The following PXYLP1 variants were observed in gnomAD, a reference collection of about 807,000 sequenced individuals.
The protein encoded by PXYLP1 is 2-phosphoxylose phosphatase 1.
In PXYLP1, 17 loss-of-function variants were observed where a neutral mutation model predicts 37.9. The observed-to-expected ratio is 0.45, with a 90% CI of 0.31 to 0.67. The LOEUF (loss-of-function observed/expected upper bound fraction) is 0.67, where lower values mean the gene tolerates loss of function less well. Among genes scored for constraint, PXYLP1 ranks in the 30% least tolerant of loss-of-function variants. The probability of loss-of-function intolerance (pLI) is 0.07; values close to 1 mark genes in which losing one functional copy is unlikely to be tolerated. For synonymous variants in PXYLP1, 221 were observed against 232.2 expected (o/e 0.95, Z 0.44); for missense variants, 511 against 612.0 (o/e 0.84, Z 1.74).
chr3:141,245,304 T>C (rs571369278), intron 1 of PXYLP1, among the ~76,000 whole-genome samples: 2 of 152,236 alleles, frequency 1.3e-5, no homozygotes, highest in South Asian at 4.1e-4. Flanking sequence ...TGACCTCAGG[T>C]AATCCACACG....
chr3:141,284,353 C>A (rs1323945752), intron 4 of PXYLP1, among the ~76,000 whole-genome samples: 1 of 150,120 alleles, frequency 6.7e-6, no homozygotes, highest in Non-Finnish European at 1.5e-5. Flanking sequence ...CGGGCATACA[C>A]ATGATCAGAA....
intron 1 of PXYLP1, among the ~76,000 whole-genome samples, chr3:141,253,933 A>G (rs905464425): frequency 6.6e-6 from 1 of 150,412 alleles, no homozygotes; most frequent in Admixed American, 6.6e-5. Flanking sequence ...ATTTTTTGAG[A>G]TGAAGTTTCT....
chr3:141,234,674 T>G (rs1940616842), intron 1 of PXYLP1, among the ~76,000 whole-genome samples: 1 of 152,196 alleles, frequency 6.6e-6, no homozygotes, highest in African/African-American at 2.4e-5. Context: ...CACTGGCAGA[T>G]GGGGCAAGGT....
At chr3:141,249,277 C>G (rs752964303) in intron 1 of PXYLP1, among the ~76,000 whole-genome samples, 2 of 152,128 alleles carry the variant, frequency 1.3e-5, no homozygotes, top group Non-Finnish European at 1.5e-5. Flanking sequence ...AAGTGTGATC[C>G]CAGCCTAAAA....
intron 1 of PXYLP1, among the ~76,000 whole-genome samples, chr3:141,238,242 G>A (rs1940706211): frequency 6.6e-6 from 1 of 152,218 alleles, no homozygotes; most frequent in African/African-American, 2.4e-5. Context: ...TATGTTGACG[G>A]GCATGGGTTT....
rs550785931 is a variant in PXYLP1 at position 141,276,437 on chromosome 3, A to G, written c.80-1905A>G. Among the ~76,000 whole-genome samples, 6 of 152,304 alleles carry G rather than the reference A, an allele frequency of 3.9e-5. No individual in the cohort carries two copies. In the East Asian group the frequency reaches 1.2e-3, roughly 29 times the overall value. ...TTTTTCTTTACACAAAGAGGATTAT[A>G]TCAGTATACAGTGACTTGGTGTATT... On this transcript the variant is annotated intron_variant, in intron 2 of 5. Transcript: ENST00000286353.
At chr3:141,233,962 C>G (rs1940596232) in intron 1 of PXYLP1, among the ~76,000 whole-genome samples, 1 of 152,162 alleles carries the variant, frequency 6.6e-6, no homozygotes, top group African/African-American at 2.4e-5. Context: ...GCAGGAGCAT[C>G]TTCAGGGATG....
intron 2 of PXYLP1, chr3:141,262,816 C>A: frequency 1.1e-6 from 1 of 920,580 alleles, no homozygotes; most frequent in South Asian, 1.5e-5. Context: ...TATTATTATA[C>A]TGTAAGAAAC....
intron 2 of PXYLP1, chr3:141,274,391 C>G (rs1298102590): frequency 6.9e-7 from 1 of 1,443,838 alleles, no homozygotes; most frequent in African/African-American, 1.4e-5. Flanking sequence ...GCTTGCTGAC[C>G]CCCATCTGCC....
intron 2 of PXYLP1, among the ~76,000 whole-genome samples, chr3:141,266,819 C>G (rs958452178): frequency 2.6e-5 from 4 of 152,054 alleles, no homozygotes; most frequent in African/African-American, 7.3e-5. Context: ...CCCTATATCC[C>G]CTCCCTTTTT....
chr3:141,283,553 C>T (rs1195308705), intron 4 of PXYLP1, among the ~76,000 whole-genome samples: 1 of 152,080 alleles, frequency 6.6e-6, no homozygotes, highest in Admixed American at 6.5e-5. Context: ...CAGGGCAATG[C>T]ATTACATCAA....
intron 1 of PXYLP1, among the ~76,000 whole-genome samples, chr3:141,248,047 G>T (rs1404491836): frequency 1.0e-4 from 12 of 119,880 alleles, no homozygotes; most frequent in African/African-American, 3.7e-4. Flanking sequence ...TTTTGAGATG[G>T]AGTCCCACTC....
intron 4 of PXYLP1, among the ~76,000 whole-genome samples, chr3:141,285,144 CTTTT>C (rs147495598): frequency 1.3e-5 from 1 of 78,762 alleles, no homozygotes; most frequent in African/African-American, 4.4e-5. Flanking sequence ...TTTTCTTTTT[CTTTT>C]TTTTTTTTTT....
At chr3:141,262,800 G>T (rs1941424982) in intron 2 of PXYLP1, 3 of 1,108,304 alleles carry the variant, frequency 2.7e-6, no homozygotes. Context: ...TGCTTTATTG[G>T]TTGCTTATTA....
chr3:141,267,093 G>C (rs774561238), intron 2 of PXYLP1, among the ~76,000 whole-genome samples: 1 of 152,136 alleles, frequency 6.6e-6, no homozygotes, highest in Admixed American at 6.5e-5. Flanking sequence ...TGATTCTGCC[G>C]AGGCACACGT....
At chr3:141,266,132 T>C (rs1941505588) in intron 2 of PXYLP1, among the ~76,000 whole-genome samples, 1 of 152,236 alleles carries the variant, frequency 6.6e-6, no homozygotes. Flanking sequence ...CCAGGGCTCC[T>C]TGGAGCAGTG....
intron 2 of PXYLP1, among the ~76,000 whole-genome samples, chr3:141,274,843 G>A (rs977731951): frequency 6.6e-5 from 10 of 152,180 alleles, no homozygotes; most frequent in Non-Finnish European, 2.9e-5. Flanking sequence ...TGGAGGAGGT[G>A]ACCCTAGGAT....
At chr3:141,279,736 C>T (rs1421414471) in intron 4 of PXYLP1, among the ~76,000 whole-genome samples, 1 of 152,170 alleles carries the variant, frequency 6.6e-6, no homozygotes, top group African/African-American at 2.4e-5. Context: ...CTGAGGCTCA[C>T]CCTCCCACCC....
chr3:141,256,424 A>G (rs879825908), intron 1 of PXYLP1, among the ~76,000 whole-genome samples: 17 of 152,164 alleles, frequency 1.1e-4, no homozygotes, highest in Non-Finnish European at 2.4e-4. Context: ...GGCTCCTTTC[A>G]GTCTCTTCCA....
Sources: allele counts gnomAD v4.1 joint callset (sites outside exome capture counted in the v4.1 genomes callset), GRCh38; gene constraint gnomAD v4.1.1; transcripts MANE v1.5; gene names NCBI Gene and HGNC (gene_info 2026-07-23, HGNC 2026-07-21).